CEP128: variants seen among roughly 807,000 people sequenced by gnomAD.
CEP128 encodes the protein centrosomal protein 128kDa.
Under a neutral mutation model 156.7 loss-of-function variants are expected in CEP128, and 132 were observed. The ratio of observed to expected loss-of-function variants is 0.84; its 90% CI spans 0.73 to 0.97. The LOEUF is 0.97. Among genes scored for constraint, CEP128 ranks in the 50% least tolerant of loss-of-function variants. The probability of loss-of-function intolerance (pLI) is 0.00; values close to 1 mark genes in which losing one functional copy is unlikely to be tolerated. For missense variants in CEP128, 1,252 were observed against 1,281.9 expected (o/e 0.98, Z 0.36); for synonymous variants, 469 against 448.9 (o/e 1.04, Z -0.57).
At chr14:80,924,265 C>G (rs982882588) in intron 2 of CEP128, among the ~76,000 whole-genome samples, 1 of 152,192 alleles carries the variant, frequency 6.6e-6, no homozygotes, top group African/African-American at 2.4e-5. Flanking sequence ...TACATCAGTG[C>G]TCTTCTGTAA....
chr14:80,853,085 A>C (rs935710573), intron 9 of CEP128, among the ~76,000 whole-genome samples: 1 of 151,882 alleles, frequency 6.6e-6, no homozygotes, highest in Non-Finnish European at 1.5e-5. Flanking sequence ...CCCATTCATG[A>C]TTTTTAAAAT....
chr14:80,783,704 C>T (rs1031011370), intron 15 of CEP128, among the ~76,000 whole-genome samples: 5 of 152,184 alleles, frequency 3.3e-5, no homozygotes, highest in Non-Finnish European at 7.3e-5. Context: ...GTATCTTCCA[C>T]ATTTGACCAT....
chr14:80,914,418 GA>G lies in CEP128; in HGVS notation c.148-11del. On this transcript the variant is annotated splice_polypyrimidine_tract_variant and intron_variant, in intron 3 of 24. Transcript: ENST00000555265. ...GGTTCCGACTGGTATCCTTGAGAAA[GA>G]AAATGGACTGAATTAATTATTCCAA... is the stretch of plus-strand genomic sequence containing the variant. 6.3e-7 allele frequency: 1 copy of G among 1,597,208 alleles called. No individual in the cohort carries two copies. Among genetic ancestry groups the G allele is most frequent in the Non-Finnish European group, 8.6e-7 (1 of 1,164,938 alleles).
At chr14:80,555,300 C>T (rs1319538429) in intron 21 of CEP128, among the ~76,000 whole-genome samples, 1 of 152,028 alleles carries the variant, frequency 6.6e-6, no homozygotes, top group Non-Finnish European at 1.5e-5. Flanking sequence ...TCTCTGTGCT[C>T]TTATTGTCTT....
intron 19 of CEP128, among the ~76,000 whole-genome samples, chr14:80,667,371 G>C (rs779934023): frequency 1.3e-5 from 2 of 152,124 alleles, no homozygotes; most frequent in African/African-American, 2.4e-5. Flanking sequence ...GAAAGCCAGA[G>C]TCAACTATAA....
chr14:80,820,223 T>G (rs1245517320), intron 13 of CEP128, among the ~76,000 whole-genome samples: 1 of 152,244 alleles, frequency 6.6e-6, no homozygotes, highest in Admixed American at 6.5e-5. Context: ...AGAGTCTATA[T>G]GCCTATTGAC....
chr14:80,885,374 G>A (rs1888746656), intron 8 of CEP128, among the ~76,000 whole-genome samples: 1 of 152,206 alleles, frequency 6.6e-6, no homozygotes, highest in Admixed American at 6.5e-5. Context: ...TCATACAGGA[G>A]AGCTCCGGCT....
intron 17 of CEP128, among the ~76,000 whole-genome samples, chr14:80,757,952 T>G (rs559722108): frequency 6.6e-6 from 1 of 152,324 alleles, no homozygotes; most frequent in African/African-American, 2.4e-5. Context: ...TCAAGGAAAT[T>G]TTCCCTAATC....
chr14:80,916,656 G>T, intron 2 of CEP128, 94 bp from the exon 3 acceptor site: 2 of 961,862 alleles, frequency 2.1e-6, no homozygotes, highest in East Asian at 2.6e-5. Context: ...TCTTTTCTAT[G>T]TTTAATACAT....
chr14:80,882,082 G>A (rs762278551), intron 8 of CEP128, among the ~76,000 whole-genome samples: 2 of 151,790 alleles, frequency 1.3e-5, no homozygotes, highest in Non-Finnish European at 2.9e-5. Flanking sequence ...ATGAACAAAC[G>A]GTATCACATC....
intron 14 of CEP128, among the ~76,000 whole-genome samples, chr14:80,791,736 C>A (rs1000376983): frequency 6.6e-6 from 1 of 152,172 alleles, no homozygotes; most frequent in African/African-American, 2.4e-5. Flanking sequence ...AAAAGCAATC[C>A]ACAGTGAGTG....
chr14:80,546,712 A>T (rs768572424), intron 21 of CEP128, among the ~76,000 whole-genome samples: 1 of 152,198 alleles, frequency 6.6e-6, no homozygotes, highest in Non-Finnish European at 1.5e-5. Context: ...TAGAAAGCAT[A>T]GGTAGCAGTG....
chr14:80,822,590 A>G (rs1393952971), intron 13 of CEP128: 9 of 709,248 alleles, frequency 1.3e-5, no homozygotes, highest in Admixed American at 3.5e-5. Flanking sequence ...CGAATCACAC[A>G]GAAGATCCAT....
At chr14:80,501,135 G>A (rs1887713062) in intron 24 of CEP128, among the ~76,000 whole-genome samples, 1 of 151,762 alleles carries the variant, frequency 6.6e-6, no homozygotes, top group South Asian at 2.1e-4. Flanking sequence ...CTTCAGTGTG[G>A]CAGAATTGAA....
chr14:80,836,335 T>C lies in CEP128; in HGVS notation c.927A>G (p.Val309=), dbSNP rs1275867569. The change falls in exon 12 of 25, where the codon GTA becomes GTG. Residue 309 remains valine (V), a splice_region_variant and synonymous_variant. Coordinates refer to ENST00000555265, the MANE Select transcript of CEP128 (RefSeq NM_152446.5). ...EGSRETLLHQ[V]EELRTQLTKA... Reference sequence around the variant, plus strand: ...TCGTAAGTTGTGTACGCAGTTCTTCTACCTAACACATGGTCAAAAATCAAA... The same window carrying C: ...TCGTAAGTTGTGTACGCAGTTCTTCCACCTAACACATGGTCAAAAATCAAA... 6 of 1,613,826 alleles carry C rather than the reference T, an allele frequency of 3.7e-6. No homozygotes were observed. Among genetic ancestry groups the C allele is most frequent in the East Asian group, 2.2e-5 (1 of 44,856 alleles).
intron 19 of CEP128, among the ~76,000 whole-genome samples, chr14:80,652,879 C>T (rs1027450501): frequency 2.0e-5 from 3 of 152,176 alleles, no homozygotes; most frequent in Non-Finnish European, 2.9e-5. Context: ...ACTATAAAGA[C>T]ACACGCACAC....
chr14:80,784,835 A>T, intron 15 of CEP128, 60 bp downstream of exon 15: 1 of 1,371,708 alleles, frequency 7.3e-7, no homozygotes, highest in Non-Finnish European at 1.0e-6. Context: ...ACGCTTTATT[A>T]ACTTCATGAG....
intron 19 of CEP128, among the ~76,000 whole-genome samples, chr14:80,695,639 C>T (rs143209025): frequency 9.1e-4 from 138 of 151,474 alleles, no homozygotes; most frequent in Non-Finnish European, 1.9e-3. Flanking sequence ...ATCGCTTGAA[C>T]CCGGGAGGCA....
In CEP128 at chr14:80,904,828, A is replaced by C; in HGVS notation, c.465T>G (p.Thr155=). 1 of 1,572,474 alleles carries C rather than the reference A, an allele frequency of 6.4e-7. No homozygotes were observed. The highest frequency in any genetic ancestry group is 8.8e-7 in the Non-Finnish European group (1 of 1,142,064). Reference sequence around the variant, plus strand: ...TACAAAGTACCTGAGTCATATCATCAGTCTCTTGAACAAACCGGACACCAG... The same window carrying C: ...TACAAAGTACCTGAGTCATATCATCCGTCTCTTGAACAAACCGGACACCAG... The part of the protein sequence containing the change: ...SRTGVRFVQE[T]DDMTQLHGFH... Residue 155 remains threonine, a synonymous_variant, in exon 6 of 25, where the codon ACT becomes ACG. Transcript: ENST00000555265.
Sources: allele counts gnomAD v4.1 joint callset (sites outside exome capture counted in the v4.1 genomes callset), GRCh38; gene constraint gnomAD v4.1.1; transcripts MANE v1.5; gene names NCBI Gene and HGNC (gene_info 2026-07-23, HGNC 2026-07-21).